Variants in FGF13 observed in about 807,000 individuals in gnomAD.
The protein encoded by FGF13 is fibroblast growth factor 13, also known as fibroblast growth factor homologous factor 2.
Under a neutral mutation model 19.5 loss-of-function variants are expected in FGF13, and 2 were observed. The observed-to-expected ratio is 0.10, with a 90% CI of 0.04 to 0.32. FGF13 has a LOEUF of 0.32. FGF13 is among the 10% of genes least tolerant of loss of function. The probability of loss-of-function intolerance (pLI) is 1.00; values close to 1 mark genes in which losing one functional copy is unlikely to be tolerated. For synonymous variants in FGF13, 72 were observed against 76.9 expected (o/e 0.94, Z 0.33); for missense variants, 113 against 192.7 (o/e 0.59, Z 2.45).
intron 3 of FGF13, among the ~76,000 whole-genome samples, chrX:138,656,095 G>C (rs1257287923): frequency 8.9e-6 from 1 of 112,129 alleles, no homozygotes; most frequent in African/African-American, 3.2e-5. Flanking sequence ...TCTGGTTAGA[G>C]AAACAGGAAG....
chrX:138,796,900 G>T (rs749926720), intron 3 of FGF13, among the ~76,000 whole-genome samples: 20 of 111,475 alleles, frequency 1.8e-4, no homozygotes, highest in African/African-American at 6.5e-4. Flanking sequence ...CCTTTATGAT[G>T]GGGTTGTTTT....
At chrX:139,102,690 A>C (rs963682648) in intron 1 of FGF13, among the ~76,000 whole-genome samples, 5 of 112,309 alleles carry the variant, frequency 4.5e-5, no homozygotes, top group Non-Finnish European at 7.5e-5. Flanking sequence ...CAATCCACCA[A>C]AGAAAATGAG....
chrX:138,651,456 T>C (rs764613488), intron 3 of FGF13, among the ~76,000 whole-genome samples: 2 of 112,389 alleles, frequency 1.8e-5, no homozygotes, highest in South Asian at 7.4e-4. Context: ...TTAGCCACAG[T>C]TGCTCACTGT....
At chrX:138,880,135 C>T (rs1453418954) in intron 1 of FGF13, among the ~76,000 whole-genome samples, 2 of 112,123 alleles carry the variant, frequency 1.8e-5, no homozygotes, top group Middle Eastern at 4.2e-3. Flanking sequence ...AGTGAGATAC[C>T]ATCTCATGCC....
At chrX:138,652,551 T>G (rs899655992) in intron 3 of FGF13, among the ~76,000 whole-genome samples, 1 of 111,666 alleles carries the variant, frequency 9.0e-6, no homozygotes, top group Non-Finnish European at 1.9e-5. Context: ...AAGGGACAAA[T>G]TATTCCAAAT....
chrX:138,939,782 G>T (rs1415718418), intron 1 of FGF13, among the ~76,000 whole-genome samples: 3 of 112,181 alleles, frequency 2.7e-5, no homozygotes, highest in Non-Finnish European at 5.6e-5. Flanking sequence ...GTATTCTGTG[G>T]TGTATATCTA....
chrX:139,038,373 G>A (rs1196983493), intron 1 of FGF13, among the ~76,000 whole-genome samples: 3 of 110,812 alleles, frequency 2.7e-5, no homozygotes, highest in Admixed American at 9.6e-5. Flanking sequence ...GTTTCCTGTC[G>A]GGACCCCCAA....
Position 138,837,728 on chromosome X carries a change from G to A in FGF13, c.217+19784C>T, listed in dbSNP as rs778834333. ...AGAAGTCTGACCATGCTTTTGTAGAGCCGCTGCACTGTGCTGGGGTACTGC... is the reference window on the plus strand; with the variant it reads ...AGAAGTCTGACCATGCTTTTGTAGAACCGCTGCACTGTGCTGGGGTACTGC... On this transcript the variant is annotated intron_variant, in intron 3 of 6. Transcript: ENST00000436198. 1.8e-4 allele frequency among the ~76,000 whole-genome samples: 20 copies of A among 111,951 alleles called. No homozygotes were observed. In the South Asian group the frequency reaches 1.9e-3, roughly 11 times the overall value.
intron 3 of FGF13, among the ~76,000 whole-genome samples, chrX:138,780,974 C>T (rs1174050705): frequency 1.8e-5 from 2 of 110,888 alleles, no homozygotes; most frequent in Non-Finnish European, 3.8e-5. Flanking sequence ...ATCTCTCAGA[C>T]CACAGTGCAA....
intron 1 of FGF13, among the ~76,000 whole-genome samples, chrX:139,170,037 A>G (rs1228411428): frequency 2.7e-5 from 3 of 111,744 alleles, no homozygotes; most frequent in Non-Finnish European, 5.6e-5. Flanking sequence ...TCCAAGCCCA[A>G]TTCCCACCTG....
intron 3 of FGF13, among the ~76,000 whole-genome samples, chrX:138,809,167 C>T (rs2090899544): frequency 9.0e-6 from 1 of 111,671 alleles, no homozygotes; most frequent in South Asian, 3.7e-4. Flanking sequence ...GACCAATATC[C>T]CTGATGAACA....
intron 3 of FGF13, among the ~76,000 whole-genome samples, chrX:138,769,615 C>T (rs2090530496): frequency 8.9e-6 from 1 of 112,322 alleles, no homozygotes; most frequent in African/African-American, 3.2e-5. Flanking sequence ...TACCTTAAGA[C>T]CACAGTTTCT....
chrX:138,995,958 G>A (rs914758693), intron 1 of FGF13, among the ~76,000 whole-genome samples: 1 of 111,407 alleles, frequency 9.0e-6, no homozygotes, highest in African/African-American at 3.3e-5. Flanking sequence ...GAGGGGAATC[G>A]CCCATCCCAG....
intron 3 of FGF13, among the ~76,000 whole-genome samples, chrX:138,758,665 T>C (rs2124326659): frequency 8.9e-6 from 1 of 111,939 alleles, no homozygotes; most frequent in South Asian, 3.8e-4. Context: ...ACCCTGAAGC[T>C]TTCTGGTCCC....
chrX:138,758,925 G>T (rs5974775), intron 3 of FGF13, among the ~76,000 whole-genome samples: 32,446 of 110,943 alleles, frequency 0.29, 3,606 homozygotes, highest in East Asian at 0.55. Context: ...TTTTAGGATG[G>T]TCTGCACACA....
chrX:138,818,006 A>G (rs189440876), intron 3 of FGF13, among the ~76,000 whole-genome samples: 176 of 111,546 alleles, frequency 1.6e-3, no homozygotes, highest in African/African-American at 5.5e-3. Context: ...CTTTTGGGCC[A>G]CAGTTTGCAC....
At chrX:138,783,251 T>C (rs2090661701) in intron 3 of FGF13, among the ~76,000 whole-genome samples, 1 of 62,437 alleles carries the variant, frequency 1.6e-5, no homozygotes. Flanking sequence ...GACATAGGCA[T>C]GGGCAAGGAC....
intron 1 of FGF13, among the ~76,000 whole-genome samples, chrX:138,902,176 A>C (rs1251965146): frequency 8.9e-6 from 1 of 112,319 alleles, no homozygotes; most frequent in Non-Finnish European, 1.9e-5. Context: ...GTAATGCAGA[A>C]ATCTATTTTC....
intron 1 of FGF13, among the ~76,000 whole-genome samples, chrX:139,194,268 A>G (rs2084354477): frequency 8.9e-6 from 1 of 112,407 alleles, no homozygotes; most frequent in Non-Finnish European, 1.9e-5. Flanking sequence ...TCTATGTATT[A>G]TAATATGCAG....
Sources: allele counts gnomAD v4.1 joint callset (sites outside exome capture counted in the v4.1 genomes callset), GRCh38; gene constraint gnomAD v4.1.1; transcripts MANE v1.5; gene names NCBI Gene and HGNC (gene_info 2026-07-23, HGNC 2026-07-21).